The following CTBP2 variants were observed in gnomAD, a reference collection of about 807,000 sequenced individuals.
The protein encoded by CTBP2 is C-terminal binding protein 2, also known as C-terminal-binding protein 2.
CTBP2 carries 30 observed loss-of-function variants against 80.3 expected under a neutral mutation model. The ratio of observed to expected loss-of-function variants is 0.37; its 90% CI spans 0.28 to 0.51. The LOEUF (loss-of-function observed/expected upper bound fraction) is 0.51, where lower values mean the gene tolerates loss of function less well. Ranked by LOEUF, CTBP2 falls within the 20% of genes least tolerant of loss-of-function variation. The pLI is 0.93. For synonymous variants in CTBP2, 594 were observed against 587.4 expected (o/e 1.01, Z -0.16); for missense variants, 1,212 against 1,375.3 (o/e 0.88, Z 1.88).
At chr10:124,992,901 T>C (rs1473623072) in intron 7 of CTBP2, 89 bp from the exon 10 acceptor site, 2 of 1,057,462 alleles carry the variant, frequency 1.9e-6, no homozygotes, top group African/African-American at 3.2e-5. Flanking sequence ...TGTGGGGAAA[T>C]AAGCATTTGT....
chr10:125,021,530 C>T (rs1275146662), intron 1 of CTBP2, among the ~76,000 whole-genome samples: 8 of 150,196 alleles, frequency 5.3e-5, no homozygotes, highest in East Asian at 1.9e-4. Flanking sequence ...TTCAGGCACT[C>T]GCTGAGTTCA....
At chr10:125,117,862 A>G (rs1019442184) in intron 1 of CTBP2, among the ~76,000 whole-genome samples, 3 of 152,254 alleles carry the variant, frequency 2.0e-5, no homozygotes, top group Admixed American at 6.5e-5. Flanking sequence ...GCACAGAGGC[A>G]CTTCAGGTGA....
intron 1 of CTBP2, chr10:125,159,954 G>T (rs894187877): frequency 6.1e-4 from 89 of 146,722 alleles, no homozygotes; most frequent in Non-Finnish European, 1.1e-3. Context: ...CGCGCTCGGG[G>T]TTTCTTTTTT....
At chr10:125,148,963 T>C (rs971688730) in intron 1 of CTBP2, among the ~76,000 whole-genome samples, 15 of 152,148 alleles carry the variant, frequency 9.9e-5, no homozygotes, top group African/African-American at 3.6e-4. Flanking sequence ...GAATGGACAC[T>C]CTGAAGATGC....
chr10:125,021,789 A>G (rs925103077), intron 1 of CTBP2, among the ~76,000 whole-genome samples: 2 of 152,210 alleles, frequency 1.3e-5, no homozygotes, highest in African/African-American at 4.8e-5. Flanking sequence ...ATGACTGATC[A>G]AGTACAAAAG....
intron 3 of CTBP2, 23 bp downstream of exon 5, chr10:125,002,937 A>T: frequency 6.2e-7 from 1 of 1,611,068 alleles, no homozygotes; most frequent in Non-Finnish European, 8.5e-7. Flanking sequence ...AACTCCAGGC[A>T]GCCAGCGCTG....
At chr10:125,030,498 G>A (rs556381702), upstream of CTBP2, among the ~76,000 whole-genome samples, 1 of 152,292 alleles carries the variant, frequency 6.6e-6, no homozygotes, top group Non-Finnish European at 1.5e-5. Context: ...GCCAGGATGG[G>A]GATGATCAGT....
chr10:125,062,759 G>A (rs1387362994), intron 2 of CTBP2, among the ~76,000 whole-genome samples: 2 of 152,214 alleles, frequency 1.3e-5, no homozygotes, highest in African/African-American at 4.8e-5. Flanking sequence ...CTACTCAGGA[G>A]GGTTGAGGCA....
upstream of CTBP2, among the ~76,000 whole-genome samples, chr10:125,031,189 A>C (rs545690513): frequency 6.6e-6 from 1 of 152,256 alleles, no homozygotes; most frequent in East Asian, 1.9e-4. Context: ...AATTTGTGCC[A>C]TTAAAAAAGT....
Position 125,016,846 on chromosome 10 carries a change from T to C in CTBP2, c.1678+9236A>G, listed in dbSNP as rs147379114. ...CAGAGCCCAGTTTACAGGAAAACAC[T>C]AGAACCCATCACAAAGGCATATTTA... On this transcript the variant is annotated intron_variant, in intron 1 of 8. Coordinates refer to ENST00000309035, the MANE Select transcript of CTBP2 (RefSeq NM_022802.3). Among the ~76,000 whole-genome samples, 186 of 152,324 alleles carry C rather than the reference T, an allele frequency of 1.2e-3. 1 individual carries two copies. In the Middle Eastern group the frequency reaches 0.014, roughly 11 times the overall value.
chr10:125,110,745 C>T (rs1214013510), intron 2 of CTBP2, among the ~76,000 whole-genome samples: 8 of 152,158 alleles, frequency 5.3e-5, no homozygotes, highest in Non-Finnish European at 1.2e-4. Context: ...GCAGCAGCAG[C>T]AGCAAAAATC....
chr10:125,122,678 CTCTT>C (rs1854536012), intron 1 of CTBP2: 1 of 152,282 alleles, frequency 6.6e-6, no homozygotes, highest in African/African-American at 2.4e-5. Flanking sequence ...GGTTCTTCCA[CTCTT>C]TCCAAAATCA....
At chr10:125,023,513 G>A (rs997544179) in intron 1 of CTBP2, among the ~76,000 whole-genome samples, 1 of 152,198 alleles carries the variant, frequency 6.6e-6, no homozygotes, top group African/African-American at 2.4e-5. Context: ...CGCGACTTGT[G>A]CCATAGCCGG....
intron 2 of CTBP2, among the ~76,000 whole-genome samples, chr10:125,080,020 A>C (rs1846933844): frequency 6.6e-6 from 1 of 152,214 alleles, no homozygotes; most frequent in South Asian, 2.1e-4. Context: ...CTGAGCATTT[A>C]AGTGATCCTG....
At chr10:124,998,852 G>A (rs1954030093) in intron 3 of CTBP2, 1 of 155,586 alleles carries the variant, frequency 6.4e-6, no homozygotes, top group Admixed American at 6.2e-5. Context: ...CAGGGCCGAG[G>A]GTGGCTTGGG....
intron 1 of CTBP2, among the ~76,000 whole-genome samples, chr10:125,020,513 G>A (rs1251773212): frequency 6.6e-6 from 1 of 152,212 alleles, no homozygotes; most frequent in African/African-American, 2.4e-5. Flanking sequence ...ACAGAAGAGG[G>A]TCTGGTGACT....
chr10:124,991,294 T>A (rs991018317), intron 8 of CTBP2, among the ~76,000 whole-genome samples: 1 of 152,170 alleles, frequency 6.6e-6, no homozygotes, highest in Non-Finnish European at 1.5e-5. Context: ...ACCAAGACCT[T>A]CAGAAGGACT....
At chr10:125,029,917 G>A (rs574752320), upstream of CTBP2, among the ~76,000 whole-genome samples, 104 of 152,262 alleles carry the variant, frequency 6.8e-4, no homozygotes, top group Non-Finnish European at 4.7e-4. Flanking sequence ...GATCGCAGGA[G>A]CAGGGCAGAT....
At chr10:125,080,482 G>A (rs566000353) in intron 2 of CTBP2, among the ~76,000 whole-genome samples, 2 of 152,118 alleles carry the variant, frequency 1.3e-5, no homozygotes, top group Non-Finnish European at 2.9e-5. Flanking sequence ...GAGCGCTGTC[G>A]ACCTGACAAC....
Sources: gnomAD v4.1 joint callset for allele counts (sites outside exome capture counted in the v4.1 genomes callset) on GRCh38, gnomAD v4.1.1 for gene constraint, MANE v1.5 for transcripts, NCBI Gene and HGNC (gene_info 2026-07-23, HGNC 2026-07-21) for gene names.